The following EHD1 variants were observed in gnomAD, a reference collection of about 807,000 sequenced individuals.
EHD1 encodes EH domain containing 1.
EHD1 carries 19 observed loss-of-function variants against 39.0 expected under a neutral mutation model. That is an observed-to-expected ratio of 0.49 (90% CI 0.34 to 0.72). The LOEUF (loss-of-function observed/expected upper bound fraction) is 0.72, where lower values mean the gene tolerates loss of function less well. EHD1 is among the 30% of genes least tolerant of loss of function. EHD1 has a pLI of 0.01. For synonymous variants in EHD1, 323 were observed against 331.2 expected (o/e 0.98, Z 0.27); for missense variants, 542 against 751.5 (o/e 0.72, Z 3.26).
intron 4 of EHD1, 51 bp downstream of exon 4, chr11:64,855,271 C>T: frequency 1.9e-6 from 3 of 1,590,848 alleles, no homozygotes; most frequent in Middle Eastern, 2.1e-4. Context: ...CCTGGGCCTT[C>T]CTTCTGCCCT....
At chr11:64,878,835 C>T, upstream of EHD1, 4 of 1,136,994 alleles carry the variant, frequency 3.5e-6, no homozygotes, top group African/African-American at 1.6e-5. Flanking sequence ...GCAACCGCAC[C>T]TGTTTCGCCC....
rs755044438 is a variant in EHD1 at position 64,860,074 on chromosome 11, G to A, written c.765C>T (p.Gly255=). 2 of 1,614,168 alleles carry A rather than the reference G, an allele frequency of 1.2e-6. No individual in the cohort carries two copies. Among genetic ancestry groups the A allele is most frequent in the Non-Finnish European group, 1.7e-6 (2 of 1,180,038 alleles). Residue 255 remains glycine, a synonymous_variant, in exon 3 of 5, where the codon GGC becomes GGT. Coordinates refer to ENST00000320631, the MANE Select transcript of EHD1 (RefSeq NM_006795.4). ...TGAGGAGCGGGTGGGACCAGAAGGA[G>A]CCGATGTAGACCCTGACCACCTCGG... ...NTPEVVRVYI[G]SFWSHPLLIP...
Position 64,852,839 on chromosome 11 carries a change from G to A in EHD1, c.*1494C>T, listed in dbSNP as rs117415485. ...ACAGTGACTTCCCGGCAAGGACAGC[G>A]CCCGCATCCATCCTCACCTAATACT... On this transcript the variant is annotated 3_prime_UTR_variant, in exon 5 of 5. Transcript: ENST00000320631. 65 of 152,662 alleles carry A rather than the reference G, an allele frequency of 4.3e-4. No individual in the cohort carries two copies. The highest frequency in any genetic ancestry group is 7.7e-4 in the East Asian group (4 of 5,194). 9.5% of individuals were successfully genotyped at this position (152,662 alleles called of 1,614,324 possible). A position where few individuals can be genotyped will look rare whatever the true frequency, so the allele number is the denominator to read the frequency against.
rs1943915352 is a variant in EHD1 at position 64,878,544 on chromosome 11, C to A, written c.-80G>T. 2.0e-6 allele frequency: 3 copies of A among 1,479,020 alleles called. No individual in the cohort carries two copies. The highest frequency in any genetic ancestry group is 2.7e-6 in the Non-Finnish European group (3 of 1,118,798). 91.6% of individuals were successfully genotyped at this position (1,479,020 alleles called of 1,614,324 possible). On this transcript the variant is annotated 5_prime_UTR_variant, in exon 1 of 5. Transcript: ENST00000320631. ...CGAGGGTGCGGAGCCGAGGCGGGGC[C>A]GGCCGGGGCAGGGAATCGGGAGCGA...
At chr11:64,877,719 G>A (rs898804716) in intron 1 of EHD1, 1 of 268,888 alleles carries the variant, frequency 3.7e-6, no homozygotes, top group Middle Eastern at 1.0e-3. Flanking sequence ...CCTGCGGGAC[G>A]GAGGTGGAGA....
intron 2 of EHD1, among the ~76,000 whole-genome samples, chr11:64,865,497 T>C (rs1261109910): frequency 6.6e-6 from 1 of 152,178 alleles, no homozygotes; most frequent in Non-Finnish European, 1.5e-5. Context: ...CAGGCCCCAG[T>C]GGGAGTGACA....
chr11:64,865,028 G>A (rs148000647), intron 2 of EHD1, among the ~76,000 whole-genome samples: 49 of 152,360 alleles, frequency 3.2e-4, no homozygotes, highest in Admixed American at 2.2e-3. Flanking sequence ...GTTACTGGCC[G>A]TCATCTCAAG....
chr11:64,855,369 C>T lies in EHD1; in HGVS notation c.1033G>A (p.Glu345Lys), dbSNP rs369314193. 3.7e-6 allele frequency: 6 copies of T among 1,614,152 alleles called. No homozygotes were observed. The highest frequency in any genetic ancestry group is 1.7e-5 in the Admixed American group (1 of 60,030). The change falls in exon 4 of 5, where the codon GAG becomes AAG. Residue 345 changes from glutamate (E) to lysine (K), a missense_variant. Glu to Lys is a moderately conservative substitution (Grantham distance 56). Coordinates refer to ENST00000320631, the MANE Select transcript of EHD1 (RefSeq NM_006795.4). ...LGEIYQKIEREHQISPGDFPS... is the reference protein window; with the variant it reads ...LGEIYQKIERKHQISPGDFPS... Reference sequence around the variant, plus strand: ...AAGTCCCCAGGGGAGATCTGGTGCTCGCGCTCAATCTTCTGGTAGATCTCT... The same window carrying T: ...AAGTCCCCAGGGGAGATCTGGTGCTTGCGCTCAATCTTCTGGTAGATCTCT...
intron 2 of EHD1, among the ~76,000 whole-genome samples, chr11:64,863,020 C>T (rs1479664940): frequency 6.6e-6 from 1 of 152,214 alleles, no homozygotes; most frequent in Non-Finnish European, 1.5e-5. Flanking sequence ...GCCCCACCCC[C>T]GAGGGGCCAC....
At chr11:64,877,333 G>C (rs1247315101) in intron 1 of EHD1, among the ~76,000 whole-genome samples, 2 of 152,178 alleles carry the variant, frequency 1.3e-5, no homozygotes, top group African/African-American at 2.4e-5. Flanking sequence ...AGGTCCAAGT[G>C]GGTGAAGGAA....
chr11:64,869,105 G>A (rs1300217074), intron 2 of EHD1, among the ~76,000 whole-genome samples: 1 of 152,244 alleles, frequency 6.6e-6, no homozygotes, highest in African/African-American at 2.4e-5. Flanking sequence ...GTGTAGGCAA[G>A]GACTTCAAAT....
chr11:64,875,303 T>C (rs1943873449), intron 1 of EHD1, among the ~76,000 whole-genome samples: 1 of 152,172 alleles, frequency 6.6e-6, no homozygotes, highest in Non-Finnish European at 1.5e-5. Context: ...GTAATCCTAG[T>C]ACTTTGGGAG....
intron 2 of EHD1, among the ~76,000 whole-genome samples, chr11:64,869,334 C>T (rs1431595738): frequency 6.6e-6 from 1 of 152,236 alleles, no homozygotes; most frequent in African/African-American, 2.4e-5. Flanking sequence ...AGAGGGAGAC[C>T]ACAGCCAGGT....
chr11:64,867,739 A>G (rs1943783550), intron 2 of EHD1, among the ~76,000 whole-genome samples: 1 of 152,196 alleles, frequency 6.6e-6, no homozygotes, highest in Non-Finnish European at 1.5e-5. Flanking sequence ...CCCACCTCCA[A>G]AAAAAAGATT....
intron 2 of EHD1, 109 bp downstream of exon 2, chr11:64,874,301 CAAAAAAAAAAA>C (rs35867760): frequency 2.1e-6 from 1 of 476,918 alleles, no homozygotes. Context: ...AAGACTCCGT[CAAAAAAAAAAA>C]AAAAAAAAAG....
intron 2 of EHD1, among the ~76,000 whole-genome samples, chr11:64,871,471 A>C (rs1943830397): frequency 6.6e-6 from 1 of 152,248 alleles, no homozygotes; most frequent in African/African-American, 2.4e-5. Flanking sequence ...AGCACCTCCA[A>C]GAGGTACTGA....
chr11:64,853,920 G>T lies in EHD1; in HGVS notation c.*413C>A. 1 of 210,306 alleles carries T rather than the reference G, an allele frequency of 4.8e-6. No homozygotes were observed. 13.0% of individuals were successfully genotyped at this position (210,306 alleles called of 1,614,324 possible). ...ACCTCAGCTCAGAAGCACACGGAGGGTGCCTGGTGTTCCTGTCCATGCAGC... is the reference window on the plus strand; with the variant it reads ...ACCTCAGCTCAGAAGCACACGGAGGTTGCCTGGTGTTCCTGTCCATGCAGC... On this transcript the variant is annotated 3_prime_UTR_variant, in exon 5 of 5. Coordinates refer to ENST00000320631, the MANE Select transcript of EHD1 (RefSeq NM_006795.4).
chr11:64,854,595 T>C lies in EHD1; in HGVS notation c.1343A>G (p.Tyr448Cys), dbSNP rs1445964141. The change falls in exon 5 of 5, where the codon TAC (tyrosine) becomes TGC (cysteine). Residue 448 changes from tyrosine to cysteine, a missense_variant. Transcript: ENST00000320631. The part of the protein sequence containing the change: ...EWVVGKDKPT[Y>C]DEIFYTLSPV... ...GGACAGCGTGTAGAAGATCTCGTCG[T>C]AGGTGGGCTTGTCCTTGCCCACCAC... The C allele has an allele frequency of 6.2e-7, 1 of 1,613,876 alleles. No homozygotes were observed. Among genetic ancestry groups the C allele is most frequent in the African/African-American group, 1.3e-5 (1 of 74,856 alleles).
Position 64,878,307 on chromosome 11 carries a change from G to A in EHD1, c.158C>T (p.Ala53Val). ...HEFHSPALED[A>V]DFDNKPMVLL... ...CACCATAGGCTTGTTGTCGAAGTCA[G>A]CGTCCTCCAGCGCGGGCGAGTGGAA... The change falls in exon 1 of 5, where the codon GCT becomes GTT. Residue 53 changes from alanine (A) to valine (V), a missense_variant. Physicochemically the swap from Ala to Val is moderately conservative, Grantham distance 64. Coordinates refer to ENST00000320631, the MANE Select transcript of EHD1 (RefSeq NM_006795.4). 6.2e-7 allele frequency: 1 copy of A among 1,614,204 alleles called. No homozygotes were observed. Among genetic ancestry groups the A allele is most frequent in the South Asian group, 1.1e-5 (1 of 91,090 alleles).
Sources: gnomAD v4.1 joint callset for allele counts (sites outside exome capture counted in the v4.1 genomes callset) on GRCh38, gnomAD v4.1.1 for gene constraint, MANE v1.5 for transcripts, NCBI Gene and HGNC (gene_info 2026-07-23, HGNC 2026-07-21) for gene names.